The following DACH2 variants were observed in gnomAD, a reference collection of about 807,000 sequenced individuals.
The protein encoded by DACH2 is dachshund homolog 2.
DACH2 carries 17 observed loss-of-function variants against 35.8 expected under a neutral mutation model. The observed-to-expected ratio is 0.48, with a 90% CI of 0.33 to 0.71. The LOEUF is 0.71. DACH2 is among the 30% of genes least tolerant of loss of function. DACH2 has a pLI of 0.02. For synonymous variants in DACH2, 195 were observed against 177.3 expected (o/e 1.10, Z -0.79); for missense variants, 469 against 472.7 (o/e 0.99, Z 0.07).
chrX:86,288,735 C>T (rs772703154), intron 1 of DACH2, among the ~76,000 whole-genome samples: 6 of 111,391 alleles, frequency 5.4e-5, no homozygotes, highest in Non-Finnish European at 9.4e-5. Flanking sequence ...GGGCTGTTCA[C>T]TCAGCTTGTG....
At chrX:86,436,387 G>T (rs199873712) in intron 2 of DACH2, among the ~76,000 whole-genome samples, 14,210 of 106,729 alleles carry the variant, frequency 0.13, 854 homozygotes, top group East Asian at 0.27. Context: ...TATATATAGA[G>T]AGAGAGAGAG....
rs1243723139 is a variant in DACH2, at chrX:86,466,779, C to G, written c.528-47500C>G. ...CTTGACTTCTGTGCACTCATAGGCT[C>G]AACACCACATGGAAGCTGCCAAGCC... On this transcript the variant is annotated intron_variant, in intron 2 of 11. Transcript: ENST00000373125. Among the ~76,000 whole-genome samples the G allele has an allele frequency of 3.6e-5, 4 of 111,324 alleles. No homozygotes were observed. The East Asian group carries it at 1.1e-3, about 32-fold the overall frequency.
chrX:86,472,985 A>G (rs2037784103), intron 2 of DACH2, among the ~76,000 whole-genome samples: 1 of 111,448 alleles, frequency 9.0e-6, no homozygotes, highest in South Asian at 3.7e-4. Flanking sequence ...TACATATTTA[A>G]TATTTTGTCC....
intron 7 of DACH2, among the ~76,000 whole-genome samples, chrX:86,809,918 C>G (rs5923648): frequency 0.33 from 36,143 of 109,913 alleles, 4,803 homozygotes; most frequent in Non-Finnish European, 0.42. Context: ...TCTTGAGCCA[C>G]ATTATCAAAA....
At chrX:86,163,822 T>C (rs990947054) in intron 1 of DACH2, among the ~76,000 whole-genome samples, 5 of 111,641 alleles carry the variant, frequency 4.5e-5, no homozygotes, top group Admixed American at 9.6e-5. Flanking sequence ...AATCCATTTC[T>C]GTCATCGATG....
At chrX:86,208,654 GC>G (rs2032373578) in intron 1 of DACH2, among the ~76,000 whole-genome samples, 1 of 111,432 alleles carries the variant, frequency 9.0e-6, no homozygotes, top group Non-Finnish European at 1.9e-5. Flanking sequence ...CAAGAATTTT[GC>G]GTGTATCTTT....
At chrX:86,729,557 T>C (rs1187734806) in intron 6 of DACH2, among the ~76,000 whole-genome samples, 1 of 111,225 alleles carries the variant, frequency 9.0e-6, no homozygotes, top group Admixed American at 9.6e-5. Context: ...TTTGGGGGTG[T>C]CTAGGGGTGG....
intron 1 of DACH2, among the ~76,000 whole-genome samples, chrX:86,192,873 G>A (rs963956034): frequency 1.3e-4 from 14 of 111,999 alleles, no homozygotes; most frequent in Non-Finnish European, 3.8e-5. Flanking sequence ...GGATGTCATC[G>A]TTTTCAGGTT....
intron 2 of DACH2, among the ~76,000 whole-genome samples, chrX:86,429,855 G>A (rs894151450): frequency 6.2e-5 from 7 of 112,023 alleles, no homozygotes; most frequent in African/African-American, 1.6e-4. Context: ...GAGCCACCGC[G>A]CCTGGCCTAA....
rs375262023 is a variant in DACH2, at chrX:86,434,416, A to G, written c.527+57554A>G. Among the ~76,000 whole-genome samples, 30 of 111,932 alleles carry G rather than the reference A, an allele frequency of 2.7e-4. No individual in the cohort carries two copies. The East Asian group carries it at 3.6e-3, about 14-fold the overall frequency. On this transcript the variant is annotated intron_variant, in intron 2 of 11. Coordinates refer to ENST00000373125, the MANE Select transcript of DACH2 (RefSeq NM_053281.3). The stretch of plus-strand genomic sequence containing the variant: ...TTCTTCACTTATGACATGTTGATTG[A>G]TTGCTATATATTTTCTCAATCTATC...
intron 1 of DACH2, among the ~76,000 whole-genome samples, chrX:86,177,733 G>A (rs2147878839): frequency 9.0e-6 from 1 of 111,320 alleles, no homozygotes; most frequent in East Asian, 2.8e-4. Context: ...AGTGAGGGAA[G>A]CCATATGTAG....
chrX:86,322,699 C>A (rs1336511047), intron 1 of DACH2, among the ~76,000 whole-genome samples: 1 of 112,209 alleles, frequency 8.9e-6, no homozygotes, highest in Non-Finnish European at 1.9e-5. Flanking sequence ...TTGAGCAAGG[C>A]CCCTTAATGG....
At chrX:86,274,136 A>G (rs1203430366) in intron 1 of DACH2, among the ~76,000 whole-genome samples, 3 of 49,184 alleles carry the variant, frequency 6.1e-5, no homozygotes, top group Non-Finnish European at 6.5e-5. Flanking sequence ...AGCCCCTTAG[A>G]GATAACTCTC....
At chrX:86,430,289 G>C (rs964365278) in intron 2 of DACH2, among the ~76,000 whole-genome samples, 1 of 112,249 alleles carries the variant, frequency 8.9e-6, no homozygotes, top group Non-Finnish European at 1.9e-5. Context: ...ACAAAATTGA[G>C]ATGTGCTGTG....
chrX:86,585,805 A>G lies in DACH2; in HGVS notation c.641-65231A>G, dbSNP rs528587887. Among the ~76,000 whole-genome samples the G allele has an allele frequency of 6.2e-4, 69 of 111,112 alleles. 1 individual carries two copies. Among genetic ancestry groups the G allele is most frequent in the African/African-American group, 2.0e-3 (62 of 30,680 alleles). The stretch of plus-strand genomic sequence containing the variant: ...ATATGTACCACACTTTCATTATTCA[A>G]TTTGTCATTGATGGGAATTTAGGTT... On this transcript the variant is annotated intron_variant, in intron 3 of 11. Transcript: ENST00000373125.
chrX:86,715,246 G>A (rs937671268), intron 6 of DACH2, among the ~76,000 whole-genome samples: 8 of 111,233 alleles, frequency 7.2e-5, no homozygotes, highest in African/African-American at 2.6e-4. Flanking sequence ...TATTTCATGG[G>A]CTGTCTGGAG....
chrX:86,439,512 A>G (rs1270355059), intron 2 of DACH2, among the ~76,000 whole-genome samples: 1 of 111,552 alleles, frequency 9.0e-6, no homozygotes, highest in Non-Finnish European at 1.9e-5. Context: ...CATGTTTTCT[A>G]GTAACTTTAT....
chrX:86,214,313 A>G (rs1006512669), intron 1 of DACH2, among the ~76,000 whole-genome samples: 1 of 112,324 alleles, frequency 8.9e-6, no homozygotes, highest in South Asian at 3.6e-4. Flanking sequence ...TGAGCCAAGC[A>G]TTCAGCCTTT....
chrX:86,596,060 A>T (rs997798335), intron 3 of DACH2, among the ~76,000 whole-genome samples: 1 of 111,744 alleles, frequency 8.9e-6, no homozygotes, highest in African/African-American at 3.2e-5. Flanking sequence ...TAATGTTTTC[A>T]AGTCTCATCC....
Sources: gnomAD v4.1 joint callset for allele counts (sites outside exome capture counted in the v4.1 genomes callset) on GRCh38, gnomAD v4.1.1 for gene constraint, MANE v1.5 for transcripts, NCBI Gene and HGNC (gene_info 2026-07-23, HGNC 2026-07-21) for gene names.